MEST: variants seen among roughly 807,000 people sequenced by gnomAD.
The protein encoded by MEST is mesoderm-specific transcript homolog protein.
Under a neutral mutation model 50.9 loss-of-function variants are expected in MEST, and 18 were observed. The observed-to-expected ratio is 0.35, with a 90% CI of 0.24 to 0.52. The LOEUF (loss-of-function observed/expected upper bound fraction) is 0.52. MEST is among the 20% of genes least tolerant of loss of function. MEST has a pLI of 0.94. For missense variants in MEST, 282 were observed against 425.3 expected (o/e 0.66, Z 2.96); for synonymous variants, 130 against 154.1 (o/e 0.84, Z 1.16).
chr7:130,505,062 A>C lies in MEST; in HGVS notation c.*6A>C. On this transcript the variant is annotated 3_prime_UTR_variant, in exon 12 of 12. Transcript: ENST00000223215. ...GCTTCATCAACTCCTTCTGAGCTGG[A>C]AAGAGTAGCTTCCCTGTATTACCTC... The C allele has an allele frequency of 1.3e-6, 2 of 1,591,552 alleles. No individual in the cohort carries two copies. Among genetic ancestry groups the C allele is most frequent in the Non-Finnish European group, 1.7e-6 (2 of 1,160,274 alleles).
Position 130,505,194 on chromosome 7 carries a change from G to A in MEST, c.*138G>A, listed in dbSNP as rs1799434037. The A allele has an allele frequency of 1.4e-6, 1 of 712,102 alleles. No individual in the cohort carries two copies. 44.1% of individuals were successfully genotyped at this position (712,102 alleles called of 1,614,324 possible). On this transcript the variant is annotated 3_prime_UTR_variant, in exon 12 of 12. Coordinates refer to ENST00000223215, the MANE Select transcript of MEST (RefSeq NM_002402.4). ...CAAAGTCCACTTTACTCAAATTGGTGAACAGTGTATAGGAAGAAGCCAGCA... is the reference window on the plus strand; with the variant it reads ...CAAAGTCCACTTTACTCAAATTGGTAAACAGTGTATAGGAAGAAGCCAGCA...
intron 9 of MEST, 95 bp from the exon 10 acceptor site, chr7:130,502,549 T>C (rs1047397774): frequency 7.9e-6 from 7 of 891,698 alleles, no homozygotes; most frequent in South Asian, 1.5e-5. Flanking sequence ...GATTAAGAAA[T>C]TGTATCTTGT....
In MEST at chr7:130,492,239, G is replaced by T. The variant is rs1255737023; in HGVS notation, c.-75G>T. The T allele has an allele frequency of 1.6e-6, 2 of 1,248,866 alleles. No homozygotes were observed. The highest frequency in any genetic ancestry group is 2.0e-6 in the Non-Finnish European group (2 of 987,624). The allele number at this position is 1,248,866 out of a possible 1,614,324, so 77.4% of individuals were successfully genotyped here. A position where few individuals can be genotyped will look rare whatever the true frequency, so the allele number is the denominator to read the frequency against. On this transcript the variant is annotated 5_prime_UTR_variant, in exon 1 of 12. Coordinates refer to ENST00000223215, the MANE Select transcript of MEST (RefSeq NM_002402.4). The surrounding 1 kb of genome is among the most constrained non-coding windows in gnomAD (Gnocchi z 7.6). ...CGGGCTGCGCCCCCGCTGCTGGCCA[G>T]CTCTGCACGGCTGCGGGCTCTGCGG...
chr7:130,505,128 A>G lies in MEST; in HGVS notation c.*72A>G. The stretch of plus-strand genomic sequence containing the variant: ...TGTTGTGTATTCCACTTAGGAAGAA[A>G]TGCCCAAAAGAGGTCCTGGCCATCA... On this transcript the variant is annotated 3_prime_UTR_variant, in exon 12 of 12. Coordinates refer to ENST00000223215, the MANE Select transcript of MEST (RefSeq NM_002402.4). 8.6e-7 allele frequency: 1 copy of G among 1,157,356 alleles called. No individual in the cohort carries two copies. The highest frequency in any genetic ancestry group is 1.3e-5 in the South Asian group (1 of 79,632). 71.7% of individuals were successfully genotyped at this position (1,157,356 alleles called of 1,614,324 possible).
chr7:130,490,234 C>G (rs1295653426), upstream of MEST, among the ~76,000 whole-genome samples: 1 of 152,138 alleles, frequency 6.6e-6, no homozygotes, highest in Non-Finnish European at 1.5e-5. Flanking sequence ...GAGTTTAAAT[C>G]CATCTGTGGC....
chr7:130,492,232 C>T lies in MEST; in HGVS notation c.-82C>T. The T allele has an allele frequency of 8.4e-7, 1 of 1,190,134 alleles. No homozygotes were observed. The allele number at this position is 1,190,134 out of a possible 1,614,324, so 73.7% of individuals were successfully genotyped here. A position where few individuals can be genotyped will look rare whatever the true frequency, so the allele number is the denominator to read the frequency against. ...TGGGCTGCGGGCTGCGCCCCCGCTG[C>T]TGGCCAGCTCTGCACGGCTGCGGGC... is the stretch of plus-strand genomic sequence containing the variant. On this transcript the variant is annotated 5_prime_UTR_variant, in exon 1 of 12. Coordinates refer to ENST00000223215, the MANE Select transcript of MEST (RefSeq NM_002402.4). This position sits in a 1 kb window ranked among gnomAD's most constrained non-coding sequence, Gnocchi z 7.6.
chr7:130,495,779 T>TG, intron 2 of MEST: 1 of 126,018 alleles, frequency 7.9e-6, no homozygotes, highest in Non-Finnish European at 1.4e-5. Context: ...CCAATATTAG[T>TG]TTTTTTTTTT....
Sources: allele counts gnomAD v4.1 joint callset (sites outside exome capture counted in the v4.1 genomes callset), GRCh38; gene constraint gnomAD v4.1.1; non-coding constraint Gnocchi (gnomAD v3.1); transcripts MANE v1.5; gene names NCBI Gene and HGNC (gene_info 2026-07-23, HGNC 2026-07-21).